EYS: variants seen among roughly 807,000 people sequenced by gnomAD.
EYS encodes the protein protein eyes shut homolog.
Under a neutral mutation model 282.1 loss-of-function variants are expected in EYS, and 250 were observed. The ratio of observed to expected loss-of-function variants is 0.89; its 90% CI spans 0.80 to 0.98. The LOEUF (loss-of-function observed/expected upper bound fraction) is 0.98. EYS is among the 50% of genes least tolerant of loss of function. The probability of loss-of-function intolerance (pLI) is 0.00; values close to 1 mark genes in which losing one functional copy is unlikely to be tolerated. For synonymous variants in EYS, 1,355 were observed against 1,282.9 expected (o/e 1.06, Z -1.20); for missense variants, 4,016 against 3,709.0 (o/e 1.08, Z -2.15).
intron 1 of EYS, among the ~76,000 whole-genome samples, chr6:65,666,857 A>C (rs1303242342): frequency 6.6e-6 from 1 of 150,928 alleles, no homozygotes; most frequent in Non-Finnish European, 1.5e-5. Context: ...AAGGATAAAT[A>C]CTCTTGAAAA....
intron 12 of EYS, among the ~76,000 whole-genome samples, chr6:65,122,461 T>C (rs1025026397): frequency 2.6e-5 from 4 of 152,052 alleles, no homozygotes; most frequent in African/African-American, 9.7e-5. Context: ...ATGAGAAAAT[T>C]TGATAGTCTT....
chr6:64,617,797 GTATGA>G (rs1226651347), intron 23 of EYS, among the ~76,000 whole-genome samples: 3 of 152,092 alleles, frequency 2.0e-5, no homozygotes, highest in Non-Finnish European at 4.4e-5. Context: ...GTGAGTACAT[GTATGA>G]TATGTCTCAG....
At position 65,223,875 on chromosome 6, in the gene EYS, C is replaced by A. The variant is rs572151696; in HGVS notation, c.2023+71988G>T. On this transcript the variant is annotated intron_variant, in intron 12 of 42. Transcript: ENST00000503581. ...ATAAGACTGTACTCAACCTGGGCAG[C>A]TTTCCTGTCTTGGAGTACCAGCTCA... is the stretch of plus-strand genomic sequence containing the variant. Among the ~76,000 whole-genome samples, 13 of 152,274 alleles carry A rather than the reference C, an allele frequency of 8.5e-5. No homozygotes were observed. The South Asian group carries it at 2.5e-3, about 29-fold the overall frequency.
intron 9 of EYS, among the ~76,000 whole-genome samples, chr6:65,352,528 C>A (rs564649363): frequency 3.9e-5 from 6 of 151,966 alleles, no homozygotes; most frequent in South Asian, 2.1e-4. Flanking sequence ...TAAACAAAAA[C>A]ATATATGGGA....
rs1270198704 is a variant in EYS, at chr6:63,720,601, T to TA, written c.9429dup (p.Thr3144TyrfsTer4). The TA allele has an allele frequency of 6.8e-7, 1 of 1,473,974 alleles. No homozygotes were observed. The highest frequency in any genetic ancestry group is 2.5e-5 in the Admixed American group (1 of 40,008). The allele number at this position is 1,473,974 out of a possible 1,614,324, so 91.3% of individuals were successfully genotyped here. On this transcript the variant is annotated frameshift_variant, in exon 43 of 43. Coordinates refer to ENST00000503581, the MANE Select transcript of EYS (RefSeq NM_001142800.2). LOFTEE classifies it high-confidence loss of function. Reference sequence around the variant, plus strand: ...CTAAAATCTCTAGTGTTAACTTATGTAACCTCATTTTGTTCATCTCCATCA... The same window carrying TA: ...CTAAAATCTCTAGTGTTAACTTATGTAAACCTCATTTTGTTCATCTCCATCA...
chr6:65,371,132 A>T (rs1381405907), intron 8 of EYS, among the ~76,000 whole-genome samples: 1 of 151,660 alleles, frequency 6.6e-6, no homozygotes, highest in African/African-American at 2.4e-5. Context: ...ATTTTTTAAG[A>T]CAAATGATGG....
chr6:64,994,839 A>T (rs1477437837), intron 14 of EYS, among the ~76,000 whole-genome samples: 2 of 152,146 alleles, frequency 1.3e-5, no homozygotes, highest in African/African-American at 4.8e-5. Flanking sequence ...ATTCATACAC[A>T]AAAAGGCAAT....
intron 33 of EYS, among the ~76,000 whole-genome samples, chr6:64,054,997 T>G (rs1770933031): frequency 6.6e-6 from 1 of 152,174 alleles, no homozygotes; most frequent in South Asian, 2.1e-4. Flanking sequence ...CTCACAATCA[T>G]CTGGACAGTT....
chr6:65,403,552 C>T (rs2150364410), intron 6 of EYS, among the ~76,000 whole-genome samples: 1 of 150,466 alleles, frequency 6.6e-6, no homozygotes, highest in East Asian at 1.9e-4. Context: ...TTAATTTAAC[C>T]CAAAACTAAC....
intron 5 of EYS, among the ~76,000 whole-genome samples, chr6:65,463,812 T>C (rs1160679278): frequency 2.0e-5 from 3 of 152,148 alleles, no homozygotes; most frequent in Admixed American, 6.6e-5. Flanking sequence ...TGTTCCATTA[T>C]TGGAGTGCTA....
At chr6:65,317,780 T>TC (rs1465838539) in intron 11 of EYS, among the ~76,000 whole-genome samples, 1 of 18,598 alleles carries the variant, frequency 5.4e-5, no homozygotes, top group African/African-American at 2.2e-4. Flanking sequence ...CATTTTCTCT[T>TC]CCTTCCTTCC....
At chr6:65,431,175 C>T (rs932476305) in intron 5 of EYS, among the ~76,000 whole-genome samples, 4 of 152,160 alleles carry the variant, frequency 2.6e-5, no homozygotes, top group African/African-American at 9.7e-5. Context: ...CTTCAGAATC[C>T]GTTGTGAACT....
intron 35 of EYS, among the ~76,000 whole-genome samples, chr6:63,903,797 T>C (rs942044046): frequency 6.6e-6 from 1 of 152,186 alleles, no homozygotes; most frequent in African/African-American, 2.4e-5. Context: ...GGTATCCTCT[T>C]GTGCAGAAAT....
At chr6:64,958,285 G>C (rs891697556) in intron 14 of EYS, among the ~76,000 whole-genome samples, 1 of 152,170 alleles carries the variant, frequency 6.6e-6, no homozygotes, top group East Asian at 1.9e-4. Context: ...GGGAGGCTGA[G>C]ACATGAGAGT....
chr6:64,159,920 T>A (rs1014932468), intron 31 of EYS, among the ~76,000 whole-genome samples: 2 of 152,178 alleles, frequency 1.3e-5, no homozygotes, highest in Admixed American at 6.5e-5. Context: ...GAATAATAAC[T>A]TTTTTTGGTA....
At chr6:65,173,148 T>C (rs1342895120) in intron 12 of EYS, among the ~76,000 whole-genome samples, 6 of 151,424 alleles carry the variant, frequency 4.0e-5, no homozygotes, top group Non-Finnish European at 8.9e-5. Context: ...TTGCAATGGA[T>C]AACCTTATCC....
chr6:64,395,804 C>CA (rs1326946310), intron 28 of EYS, among the ~76,000 whole-genome samples: 56 of 150,264 alleles, frequency 3.7e-4, no homozygotes, highest in African/African-American at 1.2e-3. Flanking sequence ...GAAAAAAAAA[C>CA]AAAAAAACAA....
intron 2 of EYS, among the ~76,000 whole-genome samples, chr6:65,597,180 C>G (rs1339479323): frequency 1.3e-5 from 2 of 152,004 alleles, no homozygotes; most frequent in African/African-American, 2.4e-5. Flanking sequence ...GCTGGTTAGA[C>G]AGGCTTGTTA....
intron 34 of EYS, among the ~76,000 whole-genome samples, chr6:63,995,833 A>C (rs1481942612): frequency 6.6e-6 from 1 of 151,872 alleles, no homozygotes; most frequent in Non-Finnish European, 1.5e-5. Flanking sequence ...AACATTGGTC[A>C]AAGGGTACAA....
Sources: gnomAD v4.1 joint callset for allele counts (sites outside exome capture counted in the v4.1 genomes callset) on GRCh38, gnomAD v4.1.1 for gene constraint, MANE v1.5 for transcripts, NCBI Gene and HGNC (gene_info 2026-07-23, HGNC 2026-07-21) for gene names.